Variants in UGGT2 observed in about 807,000 individuals in gnomAD.
UGGT2 encodes UDP-glucose glycoprotein glucosyltransferase 2.
Under a neutral mutation model 192.1 loss-of-function variants are expected in UGGT2, and 180 were observed. The ratio of observed to expected loss-of-function variants is 0.94; its 90% CI spans 0.83 to 1.06. The LOEUF (loss-of-function observed/expected upper bound fraction) is 1.06, where lower values mean the gene tolerates loss of function less well. Ranked by LOEUF, UGGT2 falls within the 50% of genes least tolerant of loss-of-function variation. The pLI is 0.00. For missense variants in UGGT2, 1,849 were observed against 1,795.7 expected (o/e 1.03, Z -0.54); for synonymous variants, 580 against 591.0 (o/e 0.98, Z 0.27).
At position 95,854,447 on chromosome 13, in the gene UGGT2, C is replaced by A; in HGVS notation, c.4037G>T (p.Arg1346Leu). 1 of 1,610,148 alleles carries A rather than the reference C, an allele frequency of 6.2e-7. No homozygotes were observed. The highest frequency in any genetic ancestry group is 8.5e-7 in the Non-Finnish European group (1 of 1,178,606). ...QIVRHDLKELRDFDLDGAPYG... is the reference protein window; with the variant it reads ...QIVRHDLKELLDFDLDGAPYG... The stretch of plus-strand genomic sequence containing the variant: ...AGGAGCTCCATCCAGATCGAAATCT[C>A]GAAGTTCTTTTAGATCATGTCTCAC... The change falls in exon 35 of 39, where the codon CGA becomes CTA. Residue 1346 changes from arginine to leucine, a missense_variant. Physicochemically the swap from Arg to Leu is moderately radical, Grantham distance 102. Coordinates refer to ENST00000376747, the MANE Select transcript of UGGT2 (RefSeq NM_020121.4).
chr13:95,951,257 G>A (rs749729448), intron 12 of UGGT2, among the ~76,000 whole-genome samples: 41 of 152,060 alleles, frequency 2.7e-4, no homozygotes, highest in Non-Finnish European at 4.3e-4. Flanking sequence ...TAAAAATTTT[G>A]GAATTCAAAA....
intron 10 of UGGT2, among the ~76,000 whole-genome samples, chr13:95,983,276 T>G (rs1287359394): frequency 6.6e-6 from 1 of 152,170 alleles, no homozygotes; most frequent in East Asian, 1.9e-4. Flanking sequence ...GTGAGTCTGG[T>G]ATGATACTAC....
At chr13:95,823,238 G>A (rs1396688320) in intron 38 of UGGT2, among the ~76,000 whole-genome samples, 6 of 152,054 alleles carry the variant, frequency 3.9e-5, no homozygotes, top group African/African-American at 1.4e-4. Flanking sequence ...TAAGAAGAAT[G>A]TATATTCTGC....
chr13:96,023,583 G>C, intron 3 of UGGT2, 46 bp downstream of exon 3: 1 of 1,571,670 alleles, frequency 6.4e-7, no homozygotes, highest in Non-Finnish European at 8.6e-7. Context: ...TATGTACATT[G>C]CTAGCGTGCC....
intron 20 of UGGT2, among the ~76,000 whole-genome samples, chr13:95,904,757 T>C (rs898407889): frequency 1.2e-4 from 18 of 152,238 alleles, no homozygotes; most frequent in Non-Finnish European, 2.2e-4. Context: ...AATAAACATA[T>C]GTGTGCATGT....
intron 5 of UGGT2, among the ~76,000 whole-genome samples, 183 bp from the exon 6 acceptor site, chr13:95,999,490 T>TA: frequency 6.6e-6 from 1 of 152,180 alleles, no homozygotes; most frequent in Non-Finnish European, 1.5e-5. Flanking sequence ...TAGAATTTGG[T>TA]TAATGACTAC....
At chr13:95,881,046 C>T (rs908666654) in intron 27 of UGGT2, among the ~76,000 whole-genome samples, 5 of 152,058 alleles carry the variant, frequency 3.3e-5, no homozygotes, top group East Asian at 1.9e-4. Context: ...TGGCAGCGGG[C>T]GCCTGCAGTC....
At chr13:95,888,884 G>T (rs2047722090) in intron 25 of UGGT2, among the ~76,000 whole-genome samples, 2 of 151,784 alleles carry the variant, frequency 1.3e-5, no homozygotes, top group African/African-American at 4.8e-5. Flanking sequence ...TGTGATCATA[G>T]GTCACTGTTA....
intron 20 of UGGT2, among the ~76,000 whole-genome samples, chr13:95,920,451 A>C (rs182025328): frequency 6.6e-6 from 1 of 152,320 alleles, no homozygotes; most frequent in East Asian, 1.9e-4. Flanking sequence ...CAATCTATCC[A>C]TCTGACCAAG....
intron 20 of UGGT2, among the ~76,000 whole-genome samples, chr13:95,914,925 A>C (rs564883771): frequency 7.7e-6 from 1 of 130,298 alleles, no homozygotes; most frequent in African/African-American, 2.6e-5. Context: ...AACATCACAC[A>C]CTAATTTAAA....
At chr13:95,890,040 T>G (rs937437808) in intron 25 of UGGT2, among the ~76,000 whole-genome samples, 15 of 152,162 alleles carry the variant, frequency 9.9e-5, no homozygotes, top group African/African-American at 3.6e-4. Context: ...CAGCCTACAC[T>G]TAGACCAGGA....
chr13:95,851,496 A>G (rs1020764517), intron 36 of UGGT2, among the ~76,000 whole-genome samples: 1 of 152,220 alleles, frequency 6.6e-6, no homozygotes, highest in Non-Finnish European at 1.5e-5. Flanking sequence ...AAAGTAGTTC[A>G]CCAACAAAAT....
Position 95,853,805 on chromosome 13 carries a change from TATCTA to T in UGGT2, c.4170-153_4170-149del, listed in dbSNP as rs894604221. 3 of 517,512 alleles carry T rather than the reference TATCTA, an allele frequency of 5.8e-6. No homozygotes were observed. In the African/African-American group the frequency reaches 6.0e-5, roughly 10 times the overall value. 32.1% of individuals were successfully genotyped at this position (517,512 alleles called of 1,614,324 possible). ...AATCCTTTCATAAATTTGCTCCTAA[TATCTA>T]ATACTGTTTCCCAAGAGTTTTAAGT... On this transcript the variant is annotated intron_variant, in intron 35 of 38. Transcript: ENST00000376747.
At position 95,801,754 on chromosome 13, in the gene UGGT2, G is replaced by A. The variant is rs1447711398; in HGVS notation, c.*36C>T. ...TTCCCCAGCAGGCGGCAGGTTTCCTGTCATGCTTTCGCCTTCCTTCTCATA... is the reference window on the plus strand; with the variant it reads ...TTCCCCAGCAGGCGGCAGGTTTCCTATCATGCTTTCGCCTTCCTTCTCATA... On this transcript the variant is annotated 3_prime_UTR_variant, in exon 39 of 39. Transcript: ENST00000376747. 1 of 1,610,190 alleles carries A rather than the reference G, an allele frequency of 6.2e-7. No homozygotes were observed. The highest frequency in any genetic ancestry group is 8.5e-7 in the Non-Finnish European group (1 of 1,178,386).
rs143644747 is a variant in UGGT2 at position 95,868,597 on chromosome 13, C to CACAAA, written c.3474-1179_3474-1175dup. Among the ~76,000 whole-genome samples, 1,207 of 152,024 alleles carry CACAAA rather than the reference C, an allele frequency of 7.9e-3. 13 individuals carry two copies. The highest frequency in any genetic ancestry group is 0.022 in the African/African-American group (909 of 41,436). On this transcript the variant is annotated intron_variant, in intron 29 of 38. Transcript: ENST00000376747. Reference sequence around the variant, plus strand: ...TCCGTCTGGGCAAGAGAGACCCTGTCACAAAACAAAACAAAACAAAACAAA... The same window carrying CACAAA: ...TCCGTCTGGGCAAGAGAGACCCTGTCACAAAACAAAACAAAACAAAACAAAACAAA...
chr13:95,936,182 C>T (rs2049456878), intron 17 of UGGT2, among the ~76,000 whole-genome samples: 1 of 152,238 alleles, frequency 6.6e-6, no homozygotes, highest in Non-Finnish European at 1.5e-5. Context: ...GACTGGTTTT[C>T]AAGCTCTGAA....
intron 38 of UGGT2, among the ~76,000 whole-genome samples, chr13:95,806,363 A>C (rs1884306076): frequency 4.6e-5 from 7 of 152,158 alleles, no homozygotes; most frequent in Admixed American, 4.6e-4. Flanking sequence ...CCAGGAGTTA[A>C]TGTCAGAGTT....
intron 12 of UGGT2, among the ~76,000 whole-genome samples, chr13:95,961,657 C>T (rs1170061267): frequency 6.6e-6 from 1 of 152,020 alleles, no homozygotes; most frequent in Non-Finnish European, 1.5e-5. Flanking sequence ...ATAGCTGGAA[C>T]CTTCAACACC....
At chr13:95,802,451 T>C (rs1884103053) in intron 38 of UGGT2, among the ~76,000 whole-genome samples, 2 of 152,232 alleles carry the variant, frequency 1.3e-5, no homozygotes, top group Admixed American at 1.3e-4. Context: ...AGACTATATT[T>C]CTTCACTAAA....
Sources: allele counts gnomAD v4.1 joint callset (sites outside exome capture counted in the v4.1 genomes callset), GRCh38; gene constraint gnomAD v4.1.1; transcripts MANE v1.5; gene names NCBI Gene and HGNC (gene_info 2026-07-23, HGNC 2026-07-21).